Variants in PTPRU observed in about 807,000 individuals in gnomAD.
PTPRU encodes the protein protein tyrosine phosphatase receptor type U.
In PTPRU, 69 loss-of-function variants were observed where a neutral mutation model predicts 166.3. That is an observed-to-expected ratio of 0.41 (90% confidence interval 0.34 to 0.51). PTPRU has a LOEUF of 0.51. PTPRU is among the 20% of genes least tolerant of loss of function. The pLI is 0.09. For synonymous variants in PTPRU, 793 were observed against 814.0 expected (o/e 0.97, Z 0.44); for missense variants, 1,657 against 2,013.7 (o/e 0.82, Z 3.39).
rs1470248239 is a variant in PTPRU, at chr1:29,236,666, G to T, written c.22G>T (p.Val8Leu). MARAQALVLALTFQLCAP... is the reference protein window; with the variant it reads MARAQALLLALTFQLCAP... Reference sequence around the variant, plus strand: ...AACCATGGCCCGTGCCCAGGCGCTCGTGCTGGCACTCACCTTCCAGCTCTG... The same window carrying T: ...AACCATGGCCCGTGCCCAGGCGCTCTTGCTGGCACTCACCTTCCAGCTCTG... Residue 8 changes from valine to leucine, a missense_variant, in exon 1 of 30, where the codon GTG (valine) becomes TTG (leucine). Val to Leu is a conservative substitution (Grantham distance 32, BLOSUM62 1). Around this residue, in one of 3 missense-constraint regions of PTPRU, gnomAD observed 453 missense variants for 496.9 expected, o/e 0.91. Coordinates refer to ENST00000373779, the MANE Select transcript of PTPRU (RefSeq NM_133178.4). The surrounding 1 kb of genome is among the most constrained non-coding windows in gnomAD (Gnocchi z 4.6). The T allele has an allele frequency of 7.0e-7, 1 of 1,432,956 alleles. No homozygotes were observed. The highest frequency in any genetic ancestry group is 1.9e-4 in the Middle Eastern group (1 of 5,386). The allele number at this position is 1,432,956 out of a possible 1,614,324, so 88.8% of individuals were successfully genotyped here.
chr1:29,251,059 CTGGCCAGCA>C (rs1391474319), intron 1 of PTPRU, among the ~76,000 whole-genome samples: 1 of 152,222 alleles, frequency 6.6e-6, no homozygotes, highest in Non-Finnish European at 1.5e-5. Context: ...TGAGACCAGC[CTGGCCAGCA>C]TGGTGACATC....
chr1:29,269,219 CATATATATAT>C (rs1239721913), intron 7 of PTPRU, among the ~76,000 whole-genome samples: 71 of 42,400 alleles, frequency 1.7e-3, no homozygotes, highest in African/African-American at 6.2e-3. Flanking sequence ...AATTTATATA[CATATATATAT>C]ATATATATAT....
chr1:29,324,158 A>G (rs1183902192), intron 28 of PTPRU, among the ~76,000 whole-genome samples: 2 of 152,094 alleles, frequency 1.3e-5, no homozygotes, highest in African/African-American at 4.8e-5. Context: ...CCATCCATCC[A>G]TCCATCCACC....
chr1:29,258,185 G>A (rs1250047617), intron 2 of PTPRU, among the ~76,000 whole-genome samples: 2 of 152,170 alleles, frequency 1.3e-5, no homozygotes, highest in Non-Finnish European at 2.9e-5. Flanking sequence ...GGCTGGTCTC[G>A]AACTGCTGAC....
At position 29,257,416 on chromosome 1, in the gene PTPRU, G is replaced by T. The variant is rs115545254; in HGVS notation, c.206-1089G>T. 1.3e-5 allele frequency among the ~76,000 whole-genome samples: 2 copies of T among 152,276 alleles called. No individual in the cohort carries two copies. Among genetic ancestry groups the T allele is most frequent in the African/African-American group, 4.8e-5 (2 of 41,552 alleles). Reference sequence around the variant, plus strand: ...AGTCCCTGGGGAGCCCTCCTGGAGCGGGGATCTGAGTGAGCTTGTGTTGGC... The same window carrying T: ...AGTCCCTGGGGAGCCCTCCTGGAGCTGGGATCTGAGTGAGCTTGTGTTGGC... On this transcript the variant is annotated intron_variant, in intron 2 of 29. Transcript: ENST00000373779. This position sits in a 1 kb window ranked among gnomAD's most constrained non-coding sequence, Gnocchi z 4.6.
rs527810146 is a variant in PTPRU, at chr1:29,258,001, G to A, written c.206-504G>A. ...TCTTTTTGAGACCGAGTCTTGCTCT[G>A]TCACCCAGGCTGGAGTGCAGTGGCG... is the stretch of plus-strand genomic sequence containing the variant. On this transcript the variant is annotated intron_variant, in intron 2 of 29. Transcript: ENST00000373779. 2.0e-5 allele frequency among the ~76,000 whole-genome samples: 3 copies of A among 151,802 alleles called. No homozygotes were observed. In the East Asian group the frequency reaches 5.8e-4, roughly 30 times the overall value.
intron 1 of PTPRU, among the ~76,000 whole-genome samples, chr1:29,252,639 A>G (rs1684605679): frequency 6.6e-6 from 1 of 152,164 alleles, no homozygotes; most frequent in Non-Finnish European, 1.5e-5. Flanking sequence ...TGCAGATGAA[A>G]CAGTAGAGCC....
chr1:29,236,534 C>T lies in PTPRU; in HGVS notation c.-111C>T. The T allele has an allele frequency of 1.2e-6, 1 of 841,920 alleles. No homozygotes were observed. The highest frequency in any genetic ancestry group is 1.5e-6 in the Non-Finnish European group (1 of 668,508). 52.2% of individuals were successfully genotyped at this position (841,920 alleles called of 1,614,324 possible). ...TGGACTCGGCGCCAGTCCCGCTCCG[C>T]GCCGCGCCGCTCCGCTCCGGCTCGG... On this transcript the variant is annotated 5_prime_UTR_variant, in exon 1 of 30. Transcript: ENST00000373779. The surrounding 1 kb of genome is among the most constrained non-coding windows in gnomAD (Gnocchi z 4.6).
At chr1:29,274,467 G>A (rs1014470565) in intron 7 of PTPRU, among the ~76,000 whole-genome samples, 2 of 152,130 alleles carry the variant, frequency 1.3e-5, no homozygotes, top group African/African-American at 4.8e-5. Context: ...TTGACAGCCA[G>A]GGAACCCACC....
At position 29,308,624 on chromosome 1, in the gene PTPRU, TG is replaced by T. The variant is rs1316041678; in HGVS notation, c.2821-2116del. Reference sequence around the variant, plus strand: ...TGGGGTCTCACTATGTTGCCTAGGCTGGGGATTTTTAATACATATATACTGT... The same window carrying T: ...TGGGGTCTCACTATGTTGCCTAGGCTGGGATTTTTAATACATATATACTGT... On this transcript the variant is annotated intron_variant, in intron 18 of 29. Coordinates refer to ENST00000373779, the MANE Select transcript of PTPRU (RefSeq NM_133178.4). Among the ~76,000 whole-genome samples the T allele has an allele frequency of 2.7e-5, 4 of 147,896 alleles. No homozygotes were observed. The East Asian group carries it at 8.5e-4, about 31-fold the overall frequency.
chr1:29,279,232 A>G lies in PTPRU; in HGVS notation c.1563+111A>G. On this transcript the variant is annotated intron_variant, in intron 9 of 29. Coordinates refer to ENST00000373779, the MANE Select transcript of PTPRU (RefSeq NM_133178.4). This position sits in a 1 kb window ranked among gnomAD's most constrained non-coding sequence, Gnocchi z 5.2. The stretch of plus-strand genomic sequence containing the variant: ...GCATGGGAGGACAGATGTGATTGTC[A>G]TAGTTTCTTCAACTATGGCCAGGTC... The G allele has an allele frequency of 9.1e-7, 1 of 1,104,696 alleles. No individual in the cohort carries two copies. Among genetic ancestry groups the G allele is most frequent in the Non-Finnish European group, 1.3e-6 (1 of 757,380 alleles). 68.4% of individuals were successfully genotyped at this position (1,104,696 alleles called of 1,614,324 possible). A position where few individuals can be genotyped will look rare whatever the true frequency, so the allele number is the denominator to read the frequency against.
chr1:29,251,833 C>T (rs1470318686), intron 1 of PTPRU, among the ~76,000 whole-genome samples: 1 of 152,202 alleles, frequency 6.6e-6, no homozygotes, highest in Non-Finnish European at 1.5e-5. Flanking sequence ...TTTCTGGCAA[C>T]CCCTCTACCT....
chr1:29,259,908 G>A lies in PTPRU; in HGVS notation c.714G>A (p.Arg238=), dbSNP rs1449462238. 5 of 1,531,986 alleles carry A rather than the reference G, an allele frequency of 3.3e-6. No individual in the cohort carries two copies. In the South Asian group the frequency reaches 4.8e-5, roughly 15 times the overall value. 94.9% of individuals were successfully genotyped at this position (1,531,986 alleles called of 1,614,324 possible). A position where few individuals can be genotyped will look rare whatever the true frequency, so the allele number is the denominator to read the frequency against. ...CGCTGGTGCCGGCGGCGGGCGTGCG[G>A]CACATCAGCCACCGGCGCTTCCTGG... is the stretch of plus-strand genomic sequence containing the variant. The part of the protein sequence containing the change: ...SGALVPAAGV[R]HISHRRFLAT... The change falls in exon 6 of 30, where the codon CGG becomes CGA. Residue 238 remains arginine (R), a synonymous_variant. Transcript: ENST00000373779.
chr1:29,238,326 C>A lies in PTPRU; in HGVS notation c.73+1609C>A, dbSNP rs536246753. On this transcript the variant is annotated intron_variant, in intron 1 of 29. Transcript: ENST00000373779. This position sits in a 1 kb window ranked among gnomAD's most constrained non-coding sequence, Gnocchi z 6.1. The stretch of plus-strand genomic sequence containing the variant: ...CTGGGATCCTAGACCGCGGCCCCTT[C>A]CCGCGGAGTTTCGGGGCCCTGCTCC... Among the ~76,000 whole-genome samples the A allele has an allele frequency of 6.6e-6, 1 of 152,154 alleles. No homozygotes were observed. The highest frequency in any genetic ancestry group is 1.5e-5 in the Non-Finnish European group (1 of 68,018).
intron 7 of PTPRU, among the ~76,000 whole-genome samples, chr1:29,263,571 T>C (rs370901787): frequency 3.9e-4 from 60 of 152,338 alleles, no homozygotes; most frequent in African/African-American, 1.3e-3. Flanking sequence ...ACTGCTGGAC[T>C]GTTTTCCAAA....
chr1:29,289,767 C>T (rs1686536771), intron 14 of PTPRU: 2 of 1,589,554 alleles, frequency 1.3e-6, no homozygotes, highest in Admixed American at 3.4e-5. Context: ...GGGAGATCCC[C>T]TGTCCCCGCC....
Position 29,236,600 on chromosome 1 carries a change from G to A in PTPRU, c.-45G>A. 1 of 1,207,620 alleles carries A rather than the reference G, an allele frequency of 8.3e-7. No individual in the cohort carries two copies. The highest frequency in any genetic ancestry group is 3.4e-5 in the East Asian group (1 of 29,618). The allele number at this position is 1,207,620 out of a possible 1,614,324, so 74.8% of individuals were successfully genotyped here. On this transcript the variant is annotated 5_prime_UTR_variant, in exon 1 of 30. Coordinates refer to ENST00000373779, the MANE Select transcript of PTPRU (RefSeq NM_133178.4). This position sits in a 1 kb window ranked among gnomAD's most constrained non-coding sequence, Gnocchi z 4.6. ...GGGCTGGGCTCGGGCTCCGGGGGCG[G>A]CGTCCCCCGCGCCGGGCCCCGGGAC...
intron 1 of PTPRU, among the ~76,000 whole-genome samples, chr1:29,252,676 T>C (rs1359364428): frequency 6.6e-6 from 1 of 152,198 alleles, no homozygotes; most frequent in Non-Finnish European, 1.5e-5. Flanking sequence ...GCTTGCTGCG[T>C]GTGAAGATGC....
intron 11 of PTPRU, 106 bp from the exon 12 acceptor site, chr1:29,282,570 A>C (rs1402330768): frequency 1.1e-5 from 16 of 1,407,888 alleles, no homozygotes; most frequent in Non-Finnish European, 1.5e-5. Context: ...TGTGGAAGTT[A>C]GTCCCCAGGA....
Sources: gnomAD v4.1 joint callset for allele counts (sites outside exome capture counted in the v4.1 genomes callset) on GRCh38, gnomAD v4.1.1 for gene constraint, gnomAD v4.1.1 regional missense constraint, Gnocchi (gnomAD v3.1) non-coding constraint, MANE v1.5 for transcripts, NCBI Gene and HGNC (gene_info 2026-07-23, HGNC 2026-07-21) for gene names.